Variants in TRMT10B observed in about 807,000 individuals in gnomAD.
TRMT10B encodes tRNA methyltransferase 10B.
In TRMT10B, 33 loss-of-function variants were observed where a neutral mutation model predicts 43.8. That is an observed-to-expected ratio of 0.75 (90% confidence interval 0.57 to 1.01). TRMT10B has a LOEUF of 1.01. Ranked by LOEUF, TRMT10B falls within the 50% of genes least tolerant of loss-of-function variation. TRMT10B has a pLI of 0.00. For synonymous variants in TRMT10B, 137 were observed against 130.6 expected (o/e 1.05, Z -0.34); for missense variants, 362 against 369.8 (o/e 0.98, Z 0.17).
chr9:37,777,239 C>A (rs1420579727), intron 8 of TRMT10B, among the ~76,000 whole-genome samples: 1 of 131,364 alleles, frequency 7.6e-6, no homozygotes, highest in Non-Finnish European at 1.6e-5. Flanking sequence ...AAAATTGTCC[C>A]CTTCATCTAG....
chr9:37,753,283 TATG>T (rs754422893), upstream of TRMT10B, among the ~76,000 whole-genome samples: 1 of 152,316 alleles, frequency 6.6e-6, no homozygotes, highest in South Asian at 2.1e-4. Flanking sequence ...CCGGACACAA[TATG>T]ATATCAGGTT....
chr9:37,778,865 GATCC>G lies in TRMT10B; in HGVS notation c.*1159_*1162del, dbSNP rs1285139025. ...TCTTCCTAATCCTTCCTAATGGTAG[GATCC>G]TAACAGGACAAATCTGTGTACCTAT... On this transcript the variant is annotated 3_prime_UTR_variant, in exon 9 of 9. Coordinates refer to ENST00000297994, the MANE Select transcript of TRMT10B (RefSeq NM_144964.4). The G allele has an allele frequency of 1.3e-5, 2 of 152,136 alleles. No individual in the cohort carries two copies. The highest frequency in any genetic ancestry group is 4.8e-5 in the African/African-American group (2 of 41,390). The allele number at this position is 152,136 out of a possible 1,614,324, so 9.4% of individuals were successfully genotyped here.
chr9:37,765,943 T>TTG (rs1826942621), intron 4 of TRMT10B, among the ~76,000 whole-genome samples: 1 of 151,472 alleles, frequency 6.6e-6, no homozygotes, highest in African/African-American at 2.4e-5. Context: ...TTTTTTTTTT[T>TTG]GTAAATTTGA....
chr9:37,756,200 C>T (rs1488077396), intron 1 of TRMT10B, among the ~76,000 whole-genome samples: 2 of 152,186 alleles, frequency 1.3e-5, no homozygotes, highest in Non-Finnish European at 2.9e-5. Flanking sequence ...GATCACATGG[C>T]TATTAACTAG....
intron 1 of TRMT10B, among the ~76,000 whole-genome samples, chr9:37,757,320 CCCT>C (rs1825834709): frequency 1.3e-5 from 2 of 152,172 alleles, no homozygotes; most frequent in Non-Finnish European, 1.5e-5. Context: ...AATTGATCCT[CCCT>C]CCTCAGCCTC....
chr9:37,768,341 A>C lies in TRMT10B; in HGVS notation c.573+113A>C, dbSNP rs530172493. On this transcript the variant is annotated intron_variant, in intron 5 of 8. Coordinates refer to ENST00000297994, the MANE Select transcript of TRMT10B (RefSeq NM_144964.4). ...TACATTTTCAGTATTGAAGTCTAAA[A>C]AAATTCAGAACCTCTCATAAGTTCT... is the stretch of plus-strand genomic sequence containing the variant. 21 of 1,225,750 alleles carry C rather than the reference A, an allele frequency of 1.7e-5. No homozygotes were observed. The East Asian group carries it at 3.7e-4, about 22-fold the overall frequency. The allele number at this position is 1,225,750 out of a possible 1,614,324, so 75.9% of individuals were successfully genotyped here.
chr9:37,760,058 G>C (rs1165428254), intron 1 of TRMT10B, among the ~76,000 whole-genome samples: 1 of 152,166 alleles, frequency 6.6e-6, no homozygotes, highest in Admixed American at 6.5e-5. Flanking sequence ...AGGTGCGGTG[G>C]TTCACACATG....
chr9:37,764,022 TCA>T (rs1159557632), intron 4 of TRMT10B, among the ~76,000 whole-genome samples: 1 of 152,246 alleles, frequency 6.6e-6, no homozygotes, highest in Non-Finnish European at 1.5e-5. Context: ...CATGATATCC[TCA>T]GTCTGGATGG....
chr9:37,755,816 T>C (rs1326795610), intron 1 of TRMT10B, among the ~76,000 whole-genome samples: 1 of 152,178 alleles, frequency 6.6e-6, no homozygotes, highest in Non-Finnish European at 1.5e-5. Context: ...GGCGGTAAAC[T>C]TCAGTTCAAT....
chr9:37,760,840 A>T (rs1049908766), intron 1 of TRMT10B, among the ~76,000 whole-genome samples: 1 of 152,256 alleles, frequency 6.6e-6, no homozygotes, highest in Non-Finnish European at 1.5e-5. Context: ...AGGACCAGCC[A>T]TAGGTAATGG....
At chr9:37,764,691 T>C (rs1176728752) in intron 4 of TRMT10B, among the ~76,000 whole-genome samples, 2 of 152,108 alleles carry the variant, frequency 1.3e-5, no homozygotes, top group African/African-American at 4.8e-5. Context: ...CCCAAAGTGC[T>C]GCGATTACAG....
At chr9:37,775,116 T>C (rs1040515471) in intron 7 of TRMT10B, among the ~76,000 whole-genome samples, 14 of 152,182 alleles carry the variant, frequency 9.2e-5, no homozygotes, top group African/African-American at 3.4e-4. Context: ...CAAGAAGAAT[T>C]TCCTATCAGC....
intron 6 of TRMT10B, 82 bp from the exon 7 acceptor site, chr9:37,770,590 T>A (rs1827463707): frequency 7.9e-7 from 1 of 1,262,050 alleles, no homozygotes; most frequent in Non-Finnish European, 1.1e-6. Context: ...CTTTTATTGT[T>A]AATAATTCTT....
chr9:37,758,111 A>G lies in TRMT10B; in HGVS notation c.-29-3792A>G, dbSNP rs147875167. Among the ~76,000 whole-genome samples, 230 of 152,332 alleles carry G rather than the reference A, an allele frequency of 1.5e-3. 1 individual carries two copies. Among genetic ancestry groups the G allele is most frequent in the African/African-American group, 5.1e-3 (213 of 41,580 alleles). On this transcript the variant is annotated intron_variant, in intron 1 of 8. Coordinates refer to ENST00000297994, the MANE Select transcript of TRMT10B (RefSeq NM_144964.4). ...TACAGTGAATAATATTTATGGAGTT[A>G]TAATATAAATGCAGTTTACAGCTGG...
upstream of TRMT10B, among the ~76,000 whole-genome samples, chr9:37,753,047 G>A (rs1424270620): frequency 6.7e-6 from 1 of 149,936 alleles, no homozygotes; most frequent in Non-Finnish European, 1.5e-5. Flanking sequence ...CTTTCTTGAG[G>A]CCCGTGTGAC....
chr9:37,777,598 CAG>C lies in TRMT10B; in HGVS notation c.845-2_845-1del. ...ACTGTGTTTTCTGTTTACTCTCTAA[CAG>C]TGTTTGATATCCTGTCCACTTACTT... On this transcript the variant is annotated splice_acceptor_variant, in intron 8 of 8. Coordinates refer to ENST00000297994, the MANE Select transcript of TRMT10B (RefSeq NM_144964.4). LOFTEE classifies it high-confidence loss of function. The C allele has an allele frequency of 1.2e-6, 2 of 1,607,648 alleles. No homozygotes were observed. Among genetic ancestry groups the C allele is most frequent in the Non-Finnish European group, 1.7e-6 (2 of 1,174,280 alleles).
intron 7 of TRMT10B, among the ~76,000 whole-genome samples, chr9:37,771,597 T>TA (rs1827588693): frequency 6.6e-6 from 1 of 152,232 alleles, no homozygotes; most frequent in Admixed American, 6.5e-5. Flanking sequence ...AGGGGCTACT[T>TA]ACAGAAGAAT....
chr9:37,772,005 A>C (rs2118892366), intron 7 of TRMT10B, among the ~76,000 whole-genome samples: 1 of 151,760 alleles, frequency 6.6e-6, no homozygotes, highest in East Asian at 1.9e-4. Flanking sequence ...CACCACACCT[A>C]GCTAGTTTTT....
intron 7 of TRMT10B, among the ~76,000 whole-genome samples, chr9:37,775,711 G>T (rs546655137): frequency 0.019 from 2,921 of 151,448 alleles, 43 homozygotes; most frequent in Non-Finnish European, 0.032. Flanking sequence ...TTTTTTTTTT[G>T]TTATTTGTAG....
Sources: allele counts gnomAD v4.1 joint callset (sites outside exome capture counted in the v4.1 genomes callset), GRCh38; gene constraint gnomAD v4.1.1; transcripts MANE v1.5; gene names NCBI Gene and HGNC (gene_info 2026-07-23, HGNC 2026-07-21).